The following RARA variants were observed in gnomAD, a reference collection of about 807,000 sequenced individuals.
RARA encodes the protein PML-DDX5-RARA fusion.
In RARA, 5 loss-of-function variants were observed where a neutral mutation model predicts 42.8. The observed-to-expected ratio is 0.12, with a 90% CI of 0.06 to 0.25. The LOEUF (loss-of-function observed/expected upper bound fraction) is 0.25, where lower values mean the gene tolerates loss of function less well. RARA is among the 10% of genes least tolerant of loss of function. RARA has a pLI of 1.00. For synonymous variants in RARA, 256 were observed against 259.5 expected (o/e 0.99, Z 0.13); for missense variants, 402 against 628.7 (o/e 0.64, Z 3.86).
Position 40,352,403 on chromosome 17 carries a change from T to A in RARA, c.703T>A (p.Cys235Ser), listed in dbSNP as rs769597380. 4.3e-6 allele frequency: 7 copies of A among 1,613,802 alleles called. No homozygotes were observed. In the Admixed American group the frequency reaches 1.2e-4, roughly 27 times the overall value. ...CAAGTTCAGTGAACTCTCCACCAAG[T>A]GCATCATTAAGACTGTGGAGTTCGC... ...WDKFSELSTK[C>S]IIKTVEFAKQ... Residue 235 changes from cysteine (C) to serine (S), a missense_variant, in exon 6 of 9, where the codon TGC (cysteine) becomes AGC (serine). Around this residue, in one of 5 missense-constraint regions of RARA, gnomAD observed 130 missense variants for 267.9 expected, o/e 0.49. Transcript: ENST00000254066. The surrounding 1 kb of genome is among the most constrained non-coding windows in gnomAD (Gnocchi z 4.9).
chr17:40,336,815 C>G (rs1211177009), intron 2 of RARA, among the ~76,000 whole-genome samples: 2 of 152,222 alleles, frequency 1.3e-5, no homozygotes, highest in Non-Finnish European at 2.9e-5. Context: ...CCTGCCTCAG[C>G]CTCCCAAGTA....
chr17:40,351,986 G>A lies in RARA; in HGVS notation c.546G>A (p.Pro182=), dbSNP rs200393055. The part of the protein sequence containing the change: ...PECSESYTLT[P]EVGELIEKVR... ...GCTCTGAGAGCTACACGCTGACGCC[G>A]GAGGTGGGGGAGCTCATTGAGAAGG... The change falls in exon 5 of 9, where the codon CCG becomes CCA. Residue 182 remains proline, a synonymous_variant. Coordinates refer to ENST00000254066, the MANE Select transcript of RARA (RefSeq NM_000964.4). The surrounding 1 kb of genome is among the most constrained non-coding windows in gnomAD (Gnocchi z 4.1). 27 of 1,604,042 alleles carry A rather than the reference G, an allele frequency of 1.7e-5. 2 individuals are homozygous for A. Among genetic ancestry groups the A allele is most frequent in the South Asian group, 1.7e-4 (15 of 90,086 alleles).
At chr17:40,338,830 C>T (rs146967410) in intron 2 of RARA, among the ~76,000 whole-genome samples, 69 of 151,464 alleles carry the variant, frequency 4.6e-4, no homozygotes, top group Non-Finnish European at 7.7e-4. Flanking sequence ...GGCAAGATAG[C>T]GAAATAGCGA....
chr17:40,322,345 A>T (rs1205152906), intron 1 of RARA, among the ~76,000 whole-genome samples: 1 of 151,906 alleles, frequency 6.6e-6, no homozygotes, highest in Non-Finnish European at 1.5e-5. Flanking sequence ...GCTTGCCTGG[A>T]GGCCAGTAGA....
rs1217624917 is a variant in RARA at position 40,341,950 on chromosome 17, C to T, written c.179-6366C>T. The T allele has an allele frequency of 5.3e-6, 6 of 1,141,258 alleles. No individual in the cohort carries two copies. The South Asian group carries it at 2.2e-4, about 41-fold the overall frequency. 70.7% of individuals were successfully genotyped at this position (1,141,258 alleles called of 1,614,324 possible). On this transcript the variant is annotated intron_variant, in intron 2 of 8. Transcript: ENST00000254066. ...TCCTCATCTGGAGCCTTTCCCCCTT[C>T]CTGCTTCTCTCCTCTCCTCCCCCTT...
chr17:40,340,846 A>G (rs2034010815), intron 2 of RARA: 1 of 400,042 alleles, frequency 2.5e-6, no homozygotes, highest in Non-Finnish European at 4.4e-6. Flanking sequence ...TGGTAAGAAC[A>G]TGGGCTTTGG....
At chr17:40,310,828 T>C (rs1376384402) in intron 1 of RARA, among the ~76,000 whole-genome samples, 2 of 151,996 alleles carry the variant, frequency 1.3e-5, no homozygotes, top group Non-Finnish European at 2.9e-5. Flanking sequence ...CTGCAAACGG[T>C]AGTAATGGCT....
At chr17:40,321,824 C>T (rs1165578948) in intron 1 of RARA, among the ~76,000 whole-genome samples, 1 of 152,040 alleles carries the variant, frequency 6.6e-6, no homozygotes, top group Non-Finnish European at 1.5e-5. Context: ...GGCAACTCCA[C>T]CCCCCCAACT....
chr17:40,348,470 T>C lies in RARA; in HGVS notation c.327+6T>C. 6.2e-7 allele frequency: 1 copy of C among 1,610,944 alleles called. No homozygotes were observed. The highest frequency in any genetic ancestry group is 8.5e-7 in the Non-Finnish European group (1 of 1,178,450). On this transcript the variant is annotated splice_donor_region_variant and intron_variant, in intron 3 of 8. Transcript: ENST00000254066. ...GCGCCTGTGAGGGCTGCAAGGTGAG[T>C]TGAAGGGGTCATTGGGAAGGACAGC...
chr17:40,346,564 GA>G (rs1363081625), intron 2 of RARA, among the ~76,000 whole-genome samples: 2 of 151,644 alleles, frequency 1.3e-5, no homozygotes, highest in African/African-American at 4.9e-5. Context: ...TTACGTCTTG[GA>G]AAAAGTTAGC....
intron 1 of RARA, among the ~76,000 whole-genome samples, chr17:40,323,753 A>AG (rs1395527233): frequency 7.5e-5 from 2 of 26,586 alleles, no homozygotes; most frequent in African/African-American, 3.0e-4. Flanking sequence ...AATGGGTCGG[A>AG]GGGGGGGTAT....
At position 40,331,385 on chromosome 17, in the gene RARA, C is replaced by A; in HGVS notation, c.167C>A (p.Pro56Gln). ...CTTCCAGTTAGTGGATATAGCACAC[C>A]ATCCCCAGCCAGTAAGTCTGGGTGT... ...HQLPVSGYSTPSPATIETQSS... is the reference protein window; with the variant it reads ...HQLPVSGYSTQSPATIETQSS... Residue 56 changes from proline to glutamine, a missense_variant, in exon 2 of 9, where the codon CCA becomes CAA. This residue lies in a region of RARA where 91 missense variants were observed against 105.2 expected (regional missense o/e 0.87). Coordinates refer to ENST00000254066, the MANE Select transcript of RARA (RefSeq NM_000964.4). 6.2e-7 allele frequency: 1 copy of A among 1,612,740 alleles called. No individual in the cohort carries two copies.
chr17:40,328,860 C>T (rs750304021), intron 1 of RARA, among the ~76,000 whole-genome samples: 35 of 152,106 alleles, frequency 2.3e-4, no homozygotes, highest in Non-Finnish European at 4.1e-4. Flanking sequence ...TTAGGAATAA[C>T]GCTGCTGTGA....
chr17:40,346,103 A>G (rs913575901), intron 2 of RARA, among the ~76,000 whole-genome samples: 3 of 152,174 alleles, frequency 2.0e-5, no homozygotes, highest in Admixed American at 1.3e-4. Flanking sequence ...GCCTCTGGTC[A>G]TCTCTCCCAT....
intron 1 of RARA, among the ~76,000 whole-genome samples, chr17:40,329,734 G>C (rs1012221109): frequency 6.6e-6 from 1 of 152,224 alleles, no homozygotes; most frequent in Non-Finnish European, 1.5e-5. Flanking sequence ...GATTACAGGC[G>C]TGAGCCACCG....
rs1434003217 is a variant in RARA at position 40,352,207 on chromosome 17, C to T, written c.631-124C>T. The T allele has an allele frequency of 2.7e-6, 4 of 1,498,100 alleles. No individual in the cohort carries two copies. The highest frequency in any genetic ancestry group is 2.3e-5 in the East Asian group (1 of 43,116). The allele number at this position is 1,498,100 out of a possible 1,614,324, so 92.8% of individuals were successfully genotyped here. On this transcript the variant is annotated intron_variant, in intron 5 of 8. Transcript: ENST00000254066. This position sits in a 1 kb window ranked among gnomAD's most constrained non-coding sequence, Gnocchi z 4.9. Reference sequence around the variant, plus strand: ...TTCCCCTCTCTTCTCCCTCCTCCTGCTGCCTCTTCCCAAGGAGCTCCCAGG... The same window carrying T: ...TTCCCCTCTCTTCTCCCTCCTCCTGTTGCCTCTTCCCAAGGAGCTCCCAGG...
intron 2 of RARA, among the ~76,000 whole-genome samples, chr17:40,347,551 G>A (rs1598576664): frequency 6.6e-6 from 1 of 152,158 alleles, no homozygotes; most frequent in Non-Finnish European, 1.5e-5. Context: ...TTAGTAACCC[G>A]GACATAGTAT....
chr17:40,319,291 T>C (rs1362112910), intron 1 of RARA, among the ~76,000 whole-genome samples: 1 of 152,018 alleles, frequency 6.6e-6, no homozygotes, highest in Admixed American at 6.6e-5. Flanking sequence ...TGTGCTAGGG[T>C]GGGGATGGGG....
intron 6 of RARA, among the ~76,000 whole-genome samples, chr17:40,353,876 C>T (rs2034530474): frequency 6.6e-6 from 1 of 152,104 alleles, no homozygotes; most frequent in African/African-American, 2.4e-5. Flanking sequence ...ATTTACTGAG[C>T]GCTTGTTGTG....
Sources: gnomAD v4.1 joint callset for allele counts (sites outside exome capture counted in the v4.1 genomes callset) on GRCh38, gnomAD v4.1.1 for gene constraint, gnomAD v4.1.1 regional missense constraint, Gnocchi (gnomAD v3.1) non-coding constraint, MANE v1.5 for transcripts, NCBI Gene and HGNC (gene_info 2026-07-23, HGNC 2026-07-21) for gene names.